RABGAP1L: variants seen among roughly 807,000 people sequenced by gnomAD.
RABGAP1L encodes the protein RAB GTPase activating protein 1 like, also known as rab GTPase-activating protein 1-like.
A neutral mutation model predicts 137.7 loss-of-function variants in RABGAP1L; 63 were observed. The ratio of observed to expected loss-of-function variants is 0.46; its 90% CI spans 0.37 to 0.56. The LOEUF is 0.56. RABGAP1L is among the 20% of genes least tolerant of loss of function. The pLI, the probability that RABGAP1L is intolerant of heterozygous loss-of-function variation, is 0.00. For synonymous variants in RABGAP1L, 431 were observed against 433.7 expected (o/e 0.99, Z 0.08); for missense variants, 1,095 against 1,244.0 (o/e 0.88, Z 1.80).
chr1:174,268,503 A>G (rs1249925108), intron 7 of RABGAP1L, among the ~76,000 whole-genome samples: 1 of 151,998 alleles, frequency 6.6e-6, no homozygotes, highest in African/African-American at 2.4e-5. Flanking sequence ...GCGCCCAGCC[A>G]CTTTTTCATT....
intron 19 of RABGAP1L, among the ~76,000 whole-genome samples, chr1:174,929,995 C>T (rs539346428): frequency 1.5e-4 from 23 of 149,548 alleles, no homozygotes; most frequent in Non-Finnish European, 2.7e-4. Context: ...GGACTACAGA[C>T]AAGTGCCACC....
At chr1:174,647,663 A>T (rs761066124) in intron 14 of RABGAP1L, among the ~76,000 whole-genome samples, 2 of 151,708 alleles carry the variant, frequency 1.3e-5, no homozygotes, top group African/African-American at 4.8e-5. Context: ...TTGGCCTGAA[A>T]TTTTCTTTTT....
intron 19 of RABGAP1L, among the ~76,000 whole-genome samples, chr1:174,864,360 T>C (rs994870704): frequency 6.6e-6 from 1 of 152,240 alleles, no homozygotes; most frequent in African/African-American, 2.4e-5. Flanking sequence ...TATTAGTTCA[T>C]TCTCACGCTG....
chr1:174,521,397 AC>A (rs1390383061), intron 13 of RABGAP1L, among the ~76,000 whole-genome samples: 1 of 152,206 alleles, frequency 6.6e-6, no homozygotes, highest in Non-Finnish European at 1.5e-5. Context: ...CTTATAGAAA[AC>A]TAGTTTTGGA....
chr1:174,262,448 TA>T (rs1038140157), intron 7 of RABGAP1L, among the ~76,000 whole-genome samples: 5 of 152,048 alleles, frequency 3.3e-5, no homozygotes, highest in East Asian at 3.9e-4. Flanking sequence ...TGGAGCTCAT[TA>T]AAAAAAATTC....
chr1:174,604,886 G>A (rs1027686005), intron 13 of RABGAP1L, among the ~76,000 whole-genome samples: 5 of 152,158 alleles, frequency 3.3e-5, no homozygotes, highest in African/African-American at 1.2e-4. Context: ...GCTCACAACT[G>A]TAATCCTAAC....
intron 19 of RABGAP1L, among the ~76,000 whole-genome samples, chr1:174,837,230 T>C (rs988198912): frequency 1.3e-5 from 2 of 152,112 alleles, no homozygotes; most frequent in African/African-American, 4.8e-5. Flanking sequence ...AAATGTTCCT[T>C]GTAGAATGAA....
chr1:174,898,925 T>G (rs1225800487), intron 19 of RABGAP1L, among the ~76,000 whole-genome samples: 1 of 152,048 alleles, frequency 6.6e-6, no homozygotes, highest in African/African-American at 2.4e-5. Flanking sequence ...AAACACATAT[T>G]CAAAAAAAGG....
chr1:174,611,784 T>C (rs1202047866), intron 13 of RABGAP1L, among the ~76,000 whole-genome samples: 1 of 152,206 alleles, frequency 6.6e-6, no homozygotes, highest in Non-Finnish European at 1.5e-5. Flanking sequence ...CCCTTTTAAG[T>C]TGGATTCCCA....
At chr1:174,888,207 T>C (rs1358537895) in intron 19 of RABGAP1L, among the ~76,000 whole-genome samples, 1 of 152,200 alleles carries the variant, frequency 6.6e-6, no homozygotes, top group Non-Finnish European at 1.5e-5. Flanking sequence ...TGAAAATATC[T>C]GTGGTATCTA....
chr1:174,969,610 A>C (rs1395543298), intron 21 of RABGAP1L, among the ~76,000 whole-genome samples: 1 of 151,886 alleles, frequency 6.6e-6, no homozygotes, highest in Non-Finnish European at 1.5e-5. Context: ...ATACCTCTAA[A>C]CTCTGTTATG....
At chr1:174,325,607 A>G (rs6678209) in intron 11 of RABGAP1L, among the ~76,000 whole-genome samples, 41,394 of 152,028 alleles carry the variant, frequency 0.27, 6,090 homozygotes, top group African/African-American at 0.36. Context: ...TCCTGGACTC[A>G]TGGTTTCTAT....
intron 13 of RABGAP1L, among the ~76,000 whole-genome samples, chr1:174,433,063 TTAAG>T (rs1383107441): frequency 6.6e-6 from 1 of 152,224 alleles, no homozygotes; most frequent in Non-Finnish European, 1.5e-5. Context: ...TTTACATGCT[TTAAG>T]TTTTAGTTTT....
intron 13 of RABGAP1L, among the ~76,000 whole-genome samples, chr1:174,636,264 A>G (rs921930391): frequency 6.6e-6 from 1 of 152,158 alleles, no homozygotes; most frequent in Admixed American, 6.6e-5. Context: ...CACACCTGTA[A>G]TCCCAGCACT....
intron 19 of RABGAP1L, among the ~76,000 whole-genome samples, chr1:174,926,934 G>C (rs560862486): frequency 8.5e-5 from 13 of 152,066 alleles, no homozygotes; most frequent in Admixed American, 1.3e-4. Context: ...TTAGCCAGGC[G>C]TGGTGGCACA....
chr1:174,673,482 G>A (rs546634873), intron 14 of RABGAP1L, among the ~76,000 whole-genome samples: 4 of 152,206 alleles, frequency 2.6e-5, no homozygotes, highest in Admixed American at 1.3e-4. Flanking sequence ...TGACCAAGAT[G>A]CTATCAGGTA....
intron 22 of RABGAP1L, among the ~76,000 whole-genome samples, chr1:174,976,487 G>A (rs2149378074): frequency 6.6e-6 from 1 of 152,262 alleles, no homozygotes; most frequent in Non-Finnish European, 1.5e-5. Flanking sequence ...TATGATCCAA[G>A]AGCTTTGACA....
chr1:174,544,310 T>A (rs906809236), intron 13 of RABGAP1L, among the ~76,000 whole-genome samples: 13 of 152,186 alleles, frequency 8.5e-5, no homozygotes, highest in Non-Finnish European at 1.3e-4. Flanking sequence ...ACTCTTTTTT[T>A]CTCTAAACTT....
intron 8 of RABGAP1L, among the ~76,000 whole-genome samples, chr1:174,273,014 C>G (rs1442682408): frequency 6.6e-6 from 1 of 151,926 alleles, no homozygotes; most frequent in Admixed American, 6.6e-5. Flanking sequence ...GTAAAAGTAG[C>G]AAGCTATTTT....
Sources: allele counts gnomAD v4.1 joint callset (sites outside exome capture counted in the v4.1 genomes callset), GRCh38; gene constraint gnomAD v4.1.1; transcripts MANE v1.5; gene names NCBI Gene and HGNC (gene_info 2026-07-23, HGNC 2026-07-21).